Variants in BAZ2B observed in about 807,000 individuals in gnomAD.
The protein encoded by BAZ2B is bromodomain adjacent to zinc finger domain 2B, also known as bromodomain adjacent to zinc finger domain protein 2B.
A neutral mutation model predicts 246.0 loss-of-function variants in BAZ2B; 91 were observed. The ratio of observed to expected loss-of-function variants is 0.37; its 90% CI spans 0.31 to 0.44. The LOEUF (loss-of-function observed/expected upper bound fraction) is 0.44, where lower values mean the gene tolerates loss of function less well. Among genes scored for constraint, BAZ2B ranks in the 20% least tolerant of loss-of-function variants. The probability of loss-of-function intolerance (pLI) is 1.00; values close to 1 mark genes in which losing one functional copy is unlikely to be tolerated. For synonymous variants in BAZ2B, 855 were observed against 860.0 expected (o/e 0.99, Z 0.10); for missense variants, 2,332 against 2,533.7 (o/e 0.92, Z 1.71).
chr2:159,531,085 C>T (rs528821610), intron 2 of BAZ2B, among the ~76,000 whole-genome samples: 1 of 152,224 alleles, frequency 6.6e-6, no homozygotes, highest in African/African-American at 2.4e-5. Context: ...TATCATTATG[C>T]ATCTGTCATG....
the BAZ2B span, among the ~76,000 whole-genome samples, chr2:159,687,346 C>T: frequency 6.6e-6 from 1 of 152,158 alleles, no homozygotes; most frequent in Non-Finnish European, 1.5e-5. Flanking sequence ...GCCAGGGCAA[C>T]CAACCATGTG....
At chr2:159,599,935 C>CAAAAA (rs11303439) in intron 1 of BAZ2B, among the ~76,000 whole-genome samples, 7 of 101,554 alleles carry the variant, frequency 6.9e-5, no homozygotes, top group Admixed American at 2.2e-4. Flanking sequence ...GACTCCTTCT[C>CAAAAA]AAAAAAAAAA....
intron 21 of BAZ2B, among the ~76,000 whole-genome samples, chr2:159,387,751 C>A (rs1166680948): frequency 1.3e-5 from 2 of 151,990 alleles, no homozygotes; most frequent in African/African-American, 4.8e-5. Flanking sequence ...TGATATAGTA[C>A]ATATGAATTT....
chr2:159,351,292 C>T (rs1009464714), intron 27 of BAZ2B, among the ~76,000 whole-genome samples: 6 of 151,940 alleles, frequency 3.9e-5, no homozygotes, highest in East Asian at 3.9e-4. Context: ...CTTGACATGT[C>T]GATAAACATA....
intron 1 of BAZ2B, among the ~76,000 whole-genome samples, chr2:159,572,866 C>G (rs1684364648): frequency 6.6e-6 from 1 of 152,102 alleles, no homozygotes; most frequent in East Asian, 1.9e-4. Flanking sequence ...ATGAATGTAC[C>G]TGCCTCTCTC....
chr2:159,453,537 T>C, intron 4 of BAZ2B, 76 bp downstream of exon 4: 1 of 1,438,628 alleles, frequency 7.0e-7, no homozygotes, highest in Non-Finnish European at 9.3e-7. Context: ...TTCCTTTTGT[T>C]CAATAGACAA....
In BAZ2B at chr2:159,530,603, T is replaced by C. The variant is rs570789050; in HGVS notation, c.-3+25220A>G. On this transcript the variant is annotated intron_variant, in intron 2 of 36. Coordinates refer to ENST00000392783, the MANE Select transcript of BAZ2B (RefSeq NM_013450.4). ...TATTTATTGAGGAATAACAACAGAG[T>C]TATGCATATATAACTTTATAATCCA... is the stretch of plus-strand genomic sequence containing the variant. 7.2e-5 allele frequency among the ~76,000 whole-genome samples: 11 copies of C among 152,236 alleles called. No individual in the cohort carries two copies. In the South Asian group the frequency reaches 2.3e-3, roughly 32 times the overall value.
Position 159,446,936 on chromosome 2 carries a change from A to G in BAZ2B, c.542T>C (p.Val181Ala), listed in dbSNP as rs368250980. Reference protein sequence around the residue: ...GSINGSNTSSVIGINTSVLST... With the variant: ...GSINGSNTSSAIGINTSVLST... ...TAGTACAGATGTGTTGATACCAATT[A>G]CAGATGATGTATTACTTCCATTTAT... Residue 181 changes from valine to alanine, a missense_variant, in exon 6 of 37, where the codon GTA becomes GCA. By Grantham distance (64) the Val-to-Ala change is moderately conservative. Coordinates refer to ENST00000392783, the MANE Select transcript of BAZ2B (RefSeq NM_013450.4). 8.8e-6 allele frequency: 14 copies of G among 1,595,888 alleles called. No homozygotes were observed. The African/African-American group carries it at 1.9e-4, about 21-fold the overall frequency.
intron 3 of BAZ2B, chr2:159,460,150 T>G (rs891042105): frequency 6.6e-6 from 1 of 152,030 alleles, no homozygotes; most frequent in African/African-American, 2.4e-5. Flanking sequence ...AATCACTACA[T>G]ATAAAAGTGA....
At chr2:159,608,149 C>T (rs1026773213) in intron 1 of BAZ2B, among the ~76,000 whole-genome samples, 4 of 152,156 alleles carry the variant, frequency 2.6e-5, no homozygotes, top group African/African-American at 4.8e-5. Flanking sequence ...CCAAGGTGCG[C>T]AGATTGTTTG....
the BAZ2B span, among the ~76,000 whole-genome samples, chr2:159,623,580 T>C: frequency 6.6e-6 from 1 of 152,162 alleles, no homozygotes; most frequent in East Asian, 1.9e-4. Flanking sequence ...ATGAGGCTCC[T>C]ATAGAAAAAA....
chr2:159,387,365 TA>T (rs2062770861), intron 21 of BAZ2B, among the ~76,000 whole-genome samples: 1 of 152,150 alleles, frequency 6.6e-6, no homozygotes, highest in African/African-American at 2.4e-5. Flanking sequence ...AAAATTTCAA[TA>T]AATAGGTAAT....
the BAZ2B span, among the ~76,000 whole-genome samples, chr2:159,680,049 T>C: frequency 4.6e-5 from 7 of 152,352 alleles, no homozygotes; most frequent in East Asian, 1.3e-3. Flanking sequence ...AAAAATTATG[T>C]TCTGTAACAT....
At chr2:159,397,155 C>T (rs2064145268) in intron 19 of BAZ2B, 190 bp downstream of exon 19, 1 of 1,468,052 alleles carries the variant, frequency 6.8e-7, no homozygotes, top group East Asian at 2.7e-5. Context: ...AGTCATAAAA[C>T]CAATTTTTTA....
At chr2:159,535,637 T>C (rs1009568391) in intron 2 of BAZ2B, among the ~76,000 whole-genome samples, 1 of 152,232 alleles carries the variant, frequency 6.6e-6, no homozygotes, top group Non-Finnish European at 1.5e-5. Flanking sequence ...GATCACAGTA[T>C]AGTACTTAAA....
At chr2:159,596,285 T>C (rs1329039316) in intron 1 of BAZ2B, among the ~76,000 whole-genome samples, 1 of 152,186 alleles carries the variant, frequency 6.6e-6, no homozygotes, top group Admixed American at 6.5e-5. Flanking sequence ...TAAGCGCTTA[T>C]TTACTGTTTC....
intron 3 of BAZ2B, chr2:159,464,749 A>C (rs546632943): frequency 1.6e-4 from 24 of 152,320 alleles, no homozygotes; most frequent in African/African-American, 5.5e-4. Context: ...CTTCTGTGAT[A>C]ATTTTTGTTG....
At position 159,347,709 on chromosome 2, in the gene BAZ2B, T is replaced by C. The variant is rs183312468; in HGVS notation, c.5294-63A>G. 262 of 1,350,966 alleles carry C rather than the reference T, an allele frequency of 1.9e-4. 1 individual carries two copies. Among genetic ancestry groups the C allele is most frequent in the Non-Finnish European group, 2.4e-5 (24 of 993,958 alleles). The allele number at this position is 1,350,966 out of a possible 1,614,324, so 83.7% of individuals were successfully genotyped here. ...TTAAGCTTTTCCCCACAGAGACCTC[T>C]TCCAGAAAGTGAATAAAATTCTAGG... On this transcript the variant is annotated intron_variant, in intron 30 of 36. Coordinates refer to ENST00000392783, the MANE Select transcript of BAZ2B (RefSeq NM_013450.4).
At position 159,334,071 on chromosome 2, in the gene BAZ2B, T is replaced by C. The variant is rs575096611; in HGVS notation, c.5797-1385A>G. Among the ~76,000 whole-genome samples the C allele has an allele frequency of 3.9e-5, 6 of 152,276 alleles. No individual in the cohort carries two copies. In the East Asian group the frequency reaches 1.2e-3, roughly 29 times the overall value. On this transcript the variant is annotated intron_variant, in intron 33 of 36. Coordinates refer to ENST00000392783, the MANE Select transcript of BAZ2B (RefSeq NM_013450.4). ...GAGAAATAACAATTGCAAGGTTATA[T>C]GTATATCCCTGTAACAACACAATTT...
Sources: gnomAD v4.1 joint callset for allele counts (sites outside exome capture counted in the v4.1 genomes callset) on GRCh38, gnomAD v4.1.1 for gene constraint, MANE v1.5 for transcripts, NCBI Gene and HGNC (gene_info 2026-07-23, HGNC 2026-07-21) for gene names.